Variants in MTSS2 observed in about 807,000 individuals in gnomAD.
MTSS2 encodes the protein protein MTSS 2.
In MTSS2, 27 loss-of-function variants were observed where a neutral mutation model predicts 67.1. That is an observed-to-expected ratio of 0.40 (90% CI 0.30 to 0.55). The LOEUF (loss-of-function observed/expected upper bound fraction) is 0.55, where lower values mean the gene tolerates loss of function less well. Among genes scored for constraint, MTSS2 ranks in the 20% least tolerant of loss-of-function variants. MTSS2 has a pLI of 0.43. For missense variants in MTSS2, 1,171 were observed against 1,067.8 expected (o/e 1.10, Z -1.35); for synonymous variants, 624 against 468.6 (o/e 1.33, Z -4.28).
Position 70,679,691 on chromosome 16 carries a change from G to A in MTSS2, c.396C>T (p.Ala132=), listed in dbSNP as rs1415100695. 38 of 1,611,466 alleles carry A rather than the reference G, an allele frequency of 2.4e-5. No homozygotes were observed. Among genetic ancestry groups the A allele is most frequent in the Non-Finnish European group, 2.9e-5 (34 of 1,178,988 alleles). Residue 132 remains alanine (A), a synonymous_variant, in exon 6 of 15, where the codon GCC becomes GCT. Transcript: ENST00000338779. ...ACGACTTCTTTTTGATCTCATGCCGGGCTCGTTTGTACTCTGCAGAAGGGG... is the reference window on the plus strand; with the variant it reads ...ACGACTTCTTTTTGATCTCATGCCGAGCTCGTTTGTACTCTGCAGAAGGGG... The part of the protein sequence containing the change: ...DKDHAKEYKR[A]RHEIKKKSSD...
rs1032791120 is a variant in MTSS2, at chr16:70,661,451, C to T, written c.*2226G>A. 13 of 373,574 alleles carry T rather than the reference C, an allele frequency of 3.5e-5. No homozygotes were observed. Among genetic ancestry groups the T allele is most frequent in the Admixed American group, 1.3e-4 (4 of 30,278 alleles). 23.1% of individuals were successfully genotyped at this position (373,574 alleles called of 1,614,324 possible). ...TGGGGGAATAAATTAAAAAAAGGAA[C>T]GAGTTAACAACAGCACCAGGAAAGT... On this transcript the variant is annotated 3_prime_UTR_variant, in exon 15 of 15. Transcript: ENST00000338779.
At position 70,661,291 on chromosome 16, in the gene MTSS2, A is replaced by AT. The variant is rs1165127442; in HGVS notation, c.*2385dup. 1 of 443,892 alleles carries AT rather than the reference A, an allele frequency of 2.3e-6. No individual in the cohort carries two copies. The allele number at this position is 443,892 out of a possible 1,614,324, so 27.5% of individuals were successfully genotyped here. ...AGTGACTATATTTAAATCGGGGAGG[A>AT]TGGTGTGGAGGGGGCGGGGAGGAGA... On this transcript the variant is annotated 3_prime_UTR_variant, in exon 15 of 15. Transcript: ENST00000338779.
In MTSS2 at chr16:70,677,775, C is replaced by T. The variant is rs375523481; in HGVS notation, c.732+17G>A. 3.2e-5 allele frequency: 51 copies of T among 1,594,792 alleles called. 1 individual carries two copies. In the African/African-American group the frequency reaches 5.7e-4, roughly 18 times the overall value. On this transcript the variant is annotated intron_variant, in intron 9 of 14. Coordinates refer to ENST00000338779, the MANE Select transcript of MTSS2 (RefSeq NM_138383.3). Reference sequence around the variant, plus strand: ...CCCTGCCCCTGGCCCTGGCCCTTGGCCAGAGGGCTCCCGCACCTGCTCGCT... The same window carrying T: ...CCCTGCCCCTGGCCCTGGCCCTTGGTCAGAGGGCTCCCGCACCTGCTCGCT...
intron 5 of MTSS2, 30 bp downstream of exon 5, chr16:70,679,756 G>A (rs1194329213): frequency 1.2e-6 from 2 of 1,610,038 alleles, no homozygotes; most frequent in Non-Finnish European, 1.7e-6. Context: ...GGAGTGGGGG[G>A]TGGGAAGCCC....
In MTSS2 at chr16:70,663,921, A is replaced by AGCT; in HGVS notation, c.1997_1999dup (p.Gln666dup). ...CACCAGGCTGTGCCGGTTGGCCGCC[A>AGCT]GCTGCTGCTGCTCGTCCTCGGCCCC... On this transcript the variant is annotated inframe_insertion, in exon 15 of 15. Coordinates refer to ENST00000338779, the MANE Select transcript of MTSS2 (RefSeq NM_138383.3). 1 of 1,552,126 alleles carries AGCT rather than the reference A, an allele frequency of 6.4e-7. No individual in the cohort carries two copies. Among genetic ancestry groups the AGCT allele is most frequent in the Admixed American group, 1.9e-5 (1 of 51,656 alleles).
chr16:70,664,031 G>T lies in MTSS2; in HGVS notation c.1890C>A (p.Leu630=), dbSNP rs368962043. 1.9e-6 allele frequency: 3 copies of T among 1,607,974 alleles called. No individual in the cohort carries two copies. The Admixed American group carries it at 5.0e-5, about 27-fold the overall frequency. ...DETASPLAPD[L]AKASPKRLSL... ...TGAGCCTCTTTGGGGAGGCCTTGGC[G>T]AGGTCCGGTGCCAGGGGTGAGGCGG... The change falls in exon 15 of 15, where the codon CTC becomes CTA. Residue 630 remains leucine, a synonymous_variant. Transcript: ENST00000338779.
chr16:70,676,985 A>G lies in MTSS2; in HGVS notation c.733-7T>C. 6.2e-7 allele frequency: 1 copy of G among 1,611,336 alleles called. No homozygotes were observed. The highest frequency in any genetic ancestry group is 8.5e-7 in the Non-Finnish European group (1 of 1,178,198). On this transcript the variant is annotated splice_region_variant and splice_polypyrimidine_tract_variant and intron_variant, in intron 9 of 14. Coordinates refer to ENST00000338779, the MANE Select transcript of MTSS2 (RefSeq NM_138383.3). ...CCTTTAGGTCTTTGATTACCTGGAC[A>G]GGGACATGGATGGGGGTCACTGGAG...
chr16:70,679,637 C>T lies in MTSS2; in HGVS notation c.450G>A (p.Ala150=), dbSNP rs1220137796. 3.7e-6 allele frequency: 6 copies of T among 1,604,550 alleles called. No individual in the cohort carries two copies. In the East Asian group the frequency reaches 9.0e-5, roughly 24 times the overall value. Residue 150 remains alanine (A), a synonymous_variant, in exon 6 of 15, where the codon GCG becomes GCA. Transcript: ENST00000338779. ...SSDTLKLQKK[A]RKELLGKGDL... is the part of the protein sequence containing the mutation. ...GGCCGCGCCAGGCACTACCTTTGCG[C>T]GCCTTCTTCTGCAGCTTCAGCGTGT...
At chr16:70,677,758 C>G in intron 9 of MTSS2, 34 bp downstream of exon 9, 3 of 1,550,370 alleles carry the variant, frequency 1.9e-6, no homozygotes, top group Non-Finnish European at 2.6e-6. Context: ...CTCCCTGCCC[C>G]TGGCCCTGGC....
chr16:70,675,795 TG>T (rs2053098888), intron 10 of MTSS2, among the ~76,000 whole-genome samples: 1 of 152,236 alleles, frequency 6.6e-6, no homozygotes, highest in Non-Finnish European at 1.5e-5. Context: ...CATATGGTGA[TG>T]GTGTGTGTGC....
chr16:70,665,593 AAGGAGGAG>A (rs1482318016), intron 11 of MTSS2, 53 bp from the exon 12 acceptor site: 2 of 1,478,468 alleles, frequency 1.4e-6, no homozygotes, highest in African/African-American at 2.8e-5. Context: ...GGCAGGCAGC[AAGGAGGAG>A]AGGAGAGAAC....
At chr16:70,669,816 C>G (rs1555509248) in intron 11 of MTSS2, among the ~76,000 whole-genome samples, 1 of 64,962 alleles carries the variant, frequency 1.5e-5, no homozygotes, top group Non-Finnish European at 3.4e-5. Context: ...GACTCTGTCT[C>G]ATAAAAAAAA....
In MTSS2 at chr16:70,679,869, A is replaced by G; in HGVS notation, c.299T>C (p.Leu100Pro). 1 of 1,601,050 alleles carries G rather than the reference A, an allele frequency of 6.2e-7. No homozygotes were observed. Among genetic ancestry groups the G allele is most frequent in the Non-Finnish European group, 8.5e-7 (1 of 1,178,986 alleles). The change falls in exon 5 of 15, where the codon CTG becomes CCG. Residue 100 changes from leucine (L) to proline (P), a missense_variant. Around this residue, in one of 2 missense-constraint regions of MTSS2, gnomAD observed 247 missense variants for 311.8 expected, o/e 0.79. Coordinates refer to ENST00000338779, the MANE Select transcript of MTSS2 (RefSeq NM_138383.3). ...TKLRQFTNAL[L>P]ESLINPLQER... is the part of the protein sequence containing the mutation. The stretch of plus-strand genomic sequence containing the variant: ...CTGCAGCGGGTTGATGAGGCTCTCC[A>G]GCAGTGCGCTGCGGAGGGCGGGCGG...
At chr16:70,665,565 G>A in intron 11 of MTSS2, 25 bp from the exon 12 acceptor site, 2 of 1,539,944 alleles carry the variant, frequency 1.3e-6, no homozygotes, top group South Asian at 1.2e-5. Flanking sequence ...CCAGCAGGCG[G>A]TTGCAGACAG....
At chr16:70,675,424 C>CCAAA (rs2053085923) in intron 10 of MTSS2, among the ~76,000 whole-genome samples, 1 of 152,096 alleles carries the variant, frequency 6.6e-6, no homozygotes. Context: ...CCCTGTCTCA[C>CCAAA]AATGACAACA....
chr16:70,681,776 T>A (rs868557525), intron 1 of MTSS2, among the ~76,000 whole-genome samples: 3 of 152,202 alleles, frequency 2.0e-5, no homozygotes, highest in Non-Finnish European at 4.4e-5. Context: ...GGTTTCCCAA[T>A]AGGGAGGTCG....
intron 14 of MTSS2, 72 bp downstream of exon 14, chr16:70,664,526 G>T: frequency 6.3e-7 from 1 of 1,575,706 alleles, no homozygotes; most frequent in South Asian, 1.2e-5. Flanking sequence ...AGCACAGAGG[G>T]GGAAGGACGG....
chr16:70,664,517 G>A lies in MTSS2; in HGVS notation c.1472-68C>T. The A allele has an allele frequency of 2.5e-6, 4 of 1,568,732 alleles. No homozygotes were observed. In the South Asian group the frequency reaches 4.8e-5, roughly 19 times the overall value. On this transcript the variant is annotated intron_variant, in intron 14 of 14. Transcript: ENST00000338779. ...CCTTGCCCCCAGCCCACCAGGGTGA[G>A]CACAGAGGGGGAAGGACGGGGCCCT...
At chr16:70,675,845 A>G (rs9934263) in intron 10 of MTSS2, among the ~76,000 whole-genome samples, 9,606 of 152,266 alleles carry the variant, frequency 0.063, 995 homozygotes, top group African/African-American at 0.22. Context: ...TGCACCCACC[A>G]TCACCCTCAC....
Sources: allele counts gnomAD v4.1 joint callset (sites outside exome capture counted in the v4.1 genomes callset), GRCh38; gene constraint gnomAD v4.1.1; regional missense constraint gnomAD v4.1.1; transcripts MANE v1.5; gene names NCBI Gene and HGNC (gene_info 2026-07-23, HGNC 2026-07-21).